The following TRPM6 variants were observed in gnomAD, a reference collection of about 807,000 sequenced individuals.
TRPM6 encodes the protein transient receptor potential cation channel subfamily M member 6, also known as channel kinase 2.
TRPM6 carries 111 observed loss-of-function variants against 247.6 expected under a neutral mutation model. That is an observed-to-expected ratio of 0.45 (90% CI 0.38 to 0.52). The LOEUF is 0.52. Among genes scored for constraint, TRPM6 ranks in the 20% least tolerant of loss-of-function variants. The pLI is 0.00. For missense variants in TRPM6, 2,126 were observed against 2,421.5 expected (o/e 0.88, Z 2.56); for synonymous variants, 892 against 853.8 (o/e 1.04, Z -0.78).
At chr9:74,850,267 G>A (rs1286829850) in intron 3 of TRPM6, among the ~76,000 whole-genome samples, 1 of 151,926 alleles carries the variant, frequency 6.6e-6, no homozygotes, top group Non-Finnish European at 1.5e-5. Context: ...AGTTACTCAG[G>A]AGGCTGAAGC....
chr9:74,791,717 T>C, intron 19 of TRPM6, among the ~76,000 whole-genome samples: 1 of 152,200 alleles, frequency 6.6e-6, no homozygotes, highest in East Asian at 1.9e-4. Context: ...ATTTTCTACC[T>C]ATATAACACA....
chr9:74,844,993 G>C (rs1172083278), intron 3 of TRPM6, among the ~76,000 whole-genome samples: 1 of 152,212 alleles, frequency 6.6e-6, no homozygotes, highest in Non-Finnish European at 1.5e-5. Flanking sequence ...CAGTGGAATA[G>C]TCAGAACATA....
intron 27 of TRPM6, among the ~76,000 whole-genome samples, chr9:74,758,407 T>G (rs1826506991): frequency 6.6e-6 from 1 of 152,004 alleles, no homozygotes; most frequent in Non-Finnish European, 1.5e-5. Context: ...GAATACAATA[T>G]GAAAAAAAAT....
At chr9:74,782,972 A>G (rs1827516584) in intron 21 of TRPM6, 119 bp from the exon 22 acceptor site, 4 of 967,192 alleles carry the variant, frequency 4.1e-6, no homozygotes, top group Non-Finnish European at 4.9e-6. Flanking sequence ...GTCATTGACT[A>G]AAACACCCTT....
intron 11 of TRPM6, among the ~76,000 whole-genome samples, chr9:74,814,279 G>T (rs1267244111): frequency 2.6e-5 from 4 of 152,060 alleles, no homozygotes; most frequent in African/African-American, 4.8e-5. Context: ...ATGGAGAGCA[G>T]AAGGATGGTT....
chr9:74,846,550 CT>C (rs944512822), intron 3 of TRPM6, among the ~76,000 whole-genome samples: 214 of 151,464 alleles, frequency 1.4e-3, no homozygotes, highest in Admixed American at 3.6e-3. Context: ...AATTTTTTTT[CT>C]TTTTTTTGTG....
rs118156838 is a variant in TRPM6, at chr9:74,744,868, G to T, written c.5084-723C>A. Among the ~76,000 whole-genome samples the T allele has an allele frequency of 4.1e-4, 62 of 152,294 alleles. No homozygotes were observed. In the East Asian group the frequency reaches 0.012, roughly 29 times the overall value. On this transcript the variant is annotated intron_variant, in intron 31 of 38. Transcript: ENST00000360774. ...TAAGCAGCATAATGAGCCCAATTTC[G>T]CAGATCTCTCTGGGTTTTTGTTGCT...
chr9:74,777,507 T>C (rs2118903093), intron 23 of TRPM6, among the ~76,000 whole-genome samples: 1 of 152,344 alleles, frequency 6.6e-6, no homozygotes, highest in African/African-American at 2.4e-5. Flanking sequence ...AAGAGGCCTT[T>C]ATTTATCTAG....
chr9:74,774,484 G>GAA (rs201366785), intron 24 of TRPM6, among the ~76,000 whole-genome samples: 1 of 150,786 alleles, frequency 6.6e-6, no homozygotes, highest in African/African-American at 2.4e-5. Context: ...GTATGAAAAA[G>GAA]AAAAAAAAAT....
chr9:74,834,898 C>T (rs142408980), intron 5 of TRPM6, among the ~76,000 whole-genome samples: 4,214 of 152,124 alleles, frequency 0.028, 184 homozygotes, highest in African/African-American at 0.093. Context: ...AATAAACATA[C>T]GTGTGCATGT....
At chr9:74,832,330 TA>T (rs1829575385) in intron 6 of TRPM6, among the ~76,000 whole-genome samples, 1 of 152,198 alleles carries the variant, frequency 6.6e-6, no homozygotes, top group African/African-American at 2.4e-5. Flanking sequence ...AGTCAAGAGA[TA>T]TAACAACCCA....
intron 2 of TRPM6, among the ~76,000 whole-genome samples, chr9:74,856,969 C>G (rs1461453409): frequency 1.3e-5 from 2 of 152,218 alleles, no homozygotes; most frequent in East Asian, 1.9e-4. Context: ...CATGGAATTA[C>G]AATCGTTGAT....
In TRPM6 at chr9:74,762,882, G is replaced by A. The variant is rs1826701407; in HGVS notation, c.3789C>T (p.Gly1263=). The A allele has an allele frequency of 7.4e-6, 12 of 1,613,272 alleles. No individual in the cohort carries two copies. The highest frequency in any genetic ancestry group is 1.0e-5 in the Non-Finnish European group (12 of 1,179,602). The part of the protein sequence containing the change: ...WSNVICAEVL[G]SMEIAGEKKY... The stretch of plus-strand genomic sequence containing the variant: ...TCTTCTCTCCAGCGATCTCCATGCT[G>A]CCTAGAACCTCTGCACAGATGACAT... Residue 1263 remains glycine (G), a synonymous_variant, in exon 26 of 39, where the codon GGC becomes GGT. Coordinates refer to ENST00000360774, the MANE Select transcript of TRPM6 (RefSeq NM_017662.5).
At chr9:74,736,964 T>G (rs115484318) in intron 36 of TRPM6, among the ~76,000 whole-genome samples, 1,588 of 152,302 alleles carry the variant, frequency 0.01, 18 homozygotes, top group African/African-American at 0.035. Flanking sequence ...TTGTTTTTTT[T>G]TGTGTGTGTG....
chr9:74,837,286 AG>A (rs1483759348), intron 5 of TRPM6, among the ~76,000 whole-genome samples: 1 of 152,202 alleles, frequency 6.6e-6, no homozygotes, highest in Admixed American at 6.5e-5. Context: ...GTTAAAATGC[AG>A]GTTCTGATTC....
At chr9:74,840,743 G>A (rs550741872) in intron 4 of TRPM6, among the ~76,000 whole-genome samples, 2 of 151,496 alleles carry the variant, frequency 1.3e-5, no homozygotes, top group Admixed American at 6.6e-5. Context: ...CTTGAGCCCA[G>A]GAGGCGGAGG....
rs897395838 is a variant in TRPM6, at chr9:74,822,566, T to C, written c.842-729A>G. The stretch of plus-strand genomic sequence containing the variant: ...CACCACACCTAGACTCTATAAACTT[T>C]TAATGGTGGTTATTTCTAGGAACAA... On this transcript the variant is annotated intron_variant, in intron 7 of 38. Transcript: ENST00000360774. Among the ~76,000 whole-genome samples, 5 of 151,962 alleles carry C rather than the reference T, an allele frequency of 3.3e-5. No homozygotes were observed. The South Asian group carries it at 1.0e-3, about 32-fold the overall frequency.
intron 1 of TRPM6, among the ~76,000 whole-genome samples, chr9:74,873,216 A>C (rs1363242957): frequency 6.6e-6 from 1 of 152,098 alleles, no homozygotes. Context: ...TTCTCCGCCA[A>C]CTTAGACATC....
rs377525324 is a variant in TRPM6 at position 74,739,460 on chromosome 9, G to T, written c.5488-11C>A. 6 of 1,611,492 alleles carry T rather than the reference G, an allele frequency of 3.7e-6. No individual in the cohort carries two copies. Among genetic ancestry groups the T allele is most frequent in the Non-Finnish European group, 5.1e-6 (6 of 1,177,828 alleles). On this transcript the variant is annotated splice_polypyrimidine_tract_variant and intron_variant, in intron 34 of 38. Coordinates refer to ENST00000360774, the MANE Select transcript of TRPM6 (RefSeq NM_017662.5). ...TTGTTGTTGAATTTCCTACAAAATA[G>T]GGAGCACTGATAAAAATACTGATTT...
Sources: gnomAD v4.1 joint callset for allele counts (sites outside exome capture counted in the v4.1 genomes callset) on GRCh38, gnomAD v4.1.1 for gene constraint, MANE v1.5 for transcripts, NCBI Gene and HGNC (gene_info 2026-07-23, HGNC 2026-07-21) for gene names.